Variants in EPG5 observed in about 807,000 individuals in gnomAD.
EPG5 encodes the protein ectopic P-granules 5 autophagy tethering factor, also known as ectopic P granules protein 5 homolog.
A neutral mutation model predicts 302.7 loss-of-function variants in EPG5; 159 were observed. The observed-to-expected ratio is 0.53, with a 90% CI of 0.46 to 0.60. The LOEUF (loss-of-function observed/expected upper bound fraction) is 0.60, where lower values mean the gene tolerates loss of function less well. Ranked by LOEUF, EPG5 falls within the 20% of genes least tolerant of loss-of-function variation. The pLI, the probability that EPG5 is intolerant of heterozygous loss-of-function variation, is 0.00. For synonymous variants in EPG5, 1,158 were observed against 1,136.8 expected, an observed-to-expected ratio of 1.02 and a Z score of -0.37; for missense variants, 2,896 against 3,092.4, an observed-to-expected ratio of 0.94 and a Z score of 1.51.
At chr18:45,803,864 A>G in the EPG5 span, among the ~76,000 whole-genome samples, 3 of 152,374 alleles carry the variant, frequency 2.0e-5, no homozygotes, top group East Asian at 3.9e-4. Flanking sequence ...AGTCTCCACA[A>G]TATGACATTC....
the EPG5 span, among the ~76,000 whole-genome samples, chr18:45,841,317 A>T: frequency 6.6e-6 from 1 of 152,112 alleles, no homozygotes; most frequent in African/African-American, 2.4e-5. Flanking sequence ...AGACAGGGAC[A>T]GTAGGGGCAG....
chr18:45,817,793 C>T, the EPG5 span, among the ~76,000 whole-genome samples: 7,779 of 152,276 alleles, frequency 0.051, 409 homozygotes, highest in African/African-American at 0.14. Context: ...TGATATATTT[C>T]AGAAGTTACA....
the EPG5 span, chr18:45,842,547 G>A: frequency 4.4e-6 from 1 of 226,646 alleles, no homozygotes; most frequent in Non-Finnish European, 8.9e-6. Flanking sequence ...AAAGCAGACA[G>A]GAAACTGTTT....
chr18:45,954,314 A>G (rs2050975208), intron 2 of EPG5, 80 bp downstream of exon 2: 1 of 1,309,234 alleles, frequency 7.6e-7, no homozygotes, highest in Non-Finnish European at 1.1e-6. Flanking sequence ...GAGTGGGTGT[A>G]AGGCACAGAC....
intron 35 of EPG5, among the ~76,000 whole-genome samples, chr18:45,875,243 A>G (rs2048945408): frequency 6.6e-6 from 1 of 152,224 alleles, no homozygotes. Flanking sequence ...ATGGGCTCAC[A>G]ATACAAAATT....
intron 11 of EPG5, among the ~76,000 whole-genome samples, chr18:45,932,849 A>T (rs533804795): frequency 6.6e-6 from 1 of 151,912 alleles, no homozygotes; most frequent in African/African-American, 2.4e-5. Context: ...CAGACAGAAA[A>T]CTCCAGCAGC....
chr18:45,931,560 G>A (rs1459713044), intron 11 of EPG5, among the ~76,000 whole-genome samples: 4 of 152,150 alleles, frequency 2.6e-5, no homozygotes, highest in Non-Finnish European at 5.9e-5. Context: ...TTGGCCGGGC[G>A]CTGTGGCTCA....
intron 31 of EPG5, among the ~76,000 whole-genome samples, chr18:45,881,166 T>A (rs567613065): frequency 2.2e-4 from 34 of 152,322 alleles, no homozygotes; most frequent in South Asian, 1.2e-3. Context: ...ATATTGTTAT[T>A]CTTAAGTCTG....
chr18:45,825,172 GAGGA>G, the EPG5 span, among the ~76,000 whole-genome samples: 1 of 111,110 alleles, frequency 9.0e-6, no homozygotes, highest in Non-Finnish European at 1.9e-5. Context: ...GGGAGGGAGG[GAGGA>G]AGAGAGGGAG....
chr18:45,810,598 T>C, the EPG5 span, among the ~76,000 whole-genome samples: 1 of 152,134 alleles, frequency 6.6e-6, no homozygotes, highest in Non-Finnish European at 1.5e-5. Flanking sequence ...CTGGCTAACA[T>C]GGCAAAACCC....
the EPG5 span, among the ~76,000 whole-genome samples, chr18:45,823,301 GA>G: frequency 6.6e-6 from 1 of 152,166 alleles, no homozygotes; most frequent in Non-Finnish European, 1.5e-5. Flanking sequence ...AGATGAGGGT[GA>G]GGGGTGCATG....
At chr18:45,877,611 C>CT (rs1274835262) in intron 34 of EPG5, among the ~76,000 whole-genome samples, 1 of 152,124 alleles carries the variant, frequency 6.6e-6, no homozygotes, top group Non-Finnish European at 1.5e-5. Flanking sequence ...CATTCAGAAC[C>CT]TTTTATACTT....
intron 18 of EPG5, 43 bp from the exon 19 acceptor site, chr18:45,916,249 C>T (rs989026645): frequency 6.4e-7 from 1 of 1,565,806 alleles, no homozygotes; most frequent in Non-Finnish European, 8.6e-7. Flanking sequence ...TAACAACCAG[C>T]CTCTCATTTT....
intron 9 of EPG5, 35 bp from the exon 10 acceptor site, chr18:45,939,790 T>C: frequency 6.3e-7 from 1 of 1,588,064 alleles, no homozygotes; most frequent in Non-Finnish European, 8.6e-7. Context: ...GTACTTTTCA[T>C]TAGCTCAATA....
Position 45,865,743 on chromosome 18 carries a change from C to T in EPG5, c.6638G>A (p.Cys2213Tyr). The change falls in exon 39 of 44, where the codon TGC becomes TAC. Residue 2213 changes from cysteine to tyrosine, a missense_variant. By Grantham distance (194) the Cys-to-Tyr change is radical. Transcript: ENST00000282041. Reference protein sequence around the residue: ...SQKHLDAVPKCQAFTHQMVQF... With the variant: ...SQKHLDAVPKYQAFTHQMVQF... The stretch of plus-strand genomic sequence containing the variant: ...AACCATCTGATGAGTAAAAGCTTGG[C>T]ATTTTGGAACTGCATCCTGACCAAA... The T allele has an allele frequency of 6.3e-7, 1 of 1,588,106 alleles. No individual in the cohort carries two copies. Among genetic ancestry groups the T allele is most frequent in the East Asian group, 2.3e-5 (1 of 44,248 alleles).
intron 39 of EPG5, among the ~76,000 whole-genome samples, chr18:45,862,792 AG>A (rs1193477864): frequency 6.6e-6 from 1 of 152,196 alleles, no homozygotes; most frequent in Non-Finnish European, 1.5e-5. Flanking sequence ...TAAATCACCC[AG>A]TGTTGGGTTT....
At chr18:45,825,811 C>G in the EPG5 span, 2 of 1,613,782 alleles carry the variant, frequency 1.2e-6, no homozygotes, top group Non-Finnish European at 8.5e-7. Context: ...CTGGCCCATG[C>G]TCGGGACAGA....
intron 9 of EPG5, among the ~76,000 whole-genome samples, chr18:45,942,842 C>A (rs1456996526): frequency 6.6e-6 from 1 of 152,080 alleles, no homozygotes; most frequent in Non-Finnish European, 1.5e-5. Context: ...TTTATTAAGA[C>A]AGCTGAAGCA....
At chr18:45,801,740 G>C in the EPG5 span, among the ~76,000 whole-genome samples, 4 of 152,146 alleles carry the variant, frequency 2.6e-5, no homozygotes, top group African/African-American at 9.7e-5. Context: ...CAGGAGGAAG[G>C]GGTACAGGAA....
Sources: gnomAD v4.1 joint callset for allele counts (sites outside exome capture counted in the v4.1 genomes callset) on GRCh38, gnomAD v4.1.1 for gene constraint, MANE v1.5 for transcripts, NCBI Gene and HGNC (gene_info 2026-07-23, HGNC 2026-07-21) for gene names.